PDZD9: variants seen among roughly 807,000 people sequenced by gnomAD.
The protein encoded by PDZD9 is PDZ domain-containing protein 9.
In PDZD9, 13 loss-of-function variants were observed where a neutral mutation model predicts 16.3. The observed-to-expected ratio is 0.80, with a 90% CI of 0.52 to 1.27. The LOEUF (loss-of-function observed/expected upper bound fraction) is 1.27, where lower values mean the gene tolerates loss of function less well. Among genes scored for constraint, PDZD9 ranks in the 50% most tolerant of loss-of-function variants. PDZD9 has a pLI of 0.00. For missense variants in PDZD9, 288 were observed against 310.9 expected (o/e 0.93, Z 0.55); for synonymous variants, 120 against 111.0 (o/e 1.08, Z -0.51).
At chr16:21,957,881 C>T in the PDZD9 span, among the ~76,000 whole-genome samples, 1 of 152,212 alleles carries the variant, frequency 6.6e-6, no homozygotes. Context: ...TGTTCCTTGA[C>T]CTGCAACTGC....
chr16:21,996,460 A>G lies in PDZD9; in HGVS notation c.73T>C (p.Leu25=). 1.3e-6 allele frequency: 2 copies of G among 1,536,070 alleles called. No homozygotes were observed. The highest frequency in any genetic ancestry group is 8.7e-7 in the Non-Finnish European group (1 of 1,146,864). The part of the protein sequence containing the change: ...SNKVKTSVHN[L]SKTQQTKLTV... ...AGTTTGGTCTGCTGTGTTTTGCTCA[A>G]GTTGTGTACAGATGTTTTGACCTTG... is the stretch of plus-strand genomic sequence containing the variant. The change falls in exon 2 of 4, where the codon TTG becomes CTG. Residue 25 remains leucine, a synonymous_variant. Coordinates refer to ENST00000424898, the MANE Select transcript of PDZD9 (RefSeq NM_001363519.1).
chr16:21,977,952 G>A, the PDZD9 span, among the ~76,000 whole-genome samples: 3 of 152,132 alleles, frequency 2.0e-5, no homozygotes, highest in Admixed American at 2.0e-4. Context: ...CTGCTTGATT[G>A]TACCAGAAAC....
chr16:21,988,571 T>C (rs1189046892), intron 3 of PDZD9, 31 bp downstream of exon 3: 1 of 1,548,218 alleles, frequency 6.5e-7, no homozygotes, highest in Non-Finnish European at 8.8e-7. Context: ...TTCTGTATTA[T>C]AACAAAGAGT....
intron 3 of PDZD9, among the ~76,000 whole-genome samples, chr16:21,985,279 G>A (rs1417169243): frequency 2.6e-5 from 4 of 151,808 alleles, no homozygotes; most frequent in African/African-American, 9.7e-5. Flanking sequence ...GTATGCCACC[G>A]CACCTGGCTA....
chr16:21,980,446 C>G (rs1346520348), downstream of PDZD9: 6 of 1,244,810 alleles, frequency 4.8e-6, no homozygotes, highest in East Asian at 1.4e-4. Context: ...TTACTCTATC[C>G]ATTAAATAAA....
At chr16:21,971,578 G>T in the PDZD9 span, 1 of 1,614,144 alleles carries the variant, frequency 6.2e-7, no homozygotes, top group Admixed American at 1.7e-5. Context: ...CAACATGAGG[G>T]GTGGGCTTGG....
the PDZD9 span, chr16:21,971,985 G>A: frequency 6.2e-7 from 1 of 1,614,196 alleles, no homozygotes; most frequent in East Asian, 2.2e-5. Context: ...AGAAAGTGCT[G>A]TCGCGGGAAG....
intron 3 of PDZD9, 34 bp downstream of exon 3, chr16:21,988,568 T>C (rs2141956279): frequency 6.5e-7 from 1 of 1,536,592 alleles, no homozygotes; most frequent in African/African-American, 1.4e-5. Context: ...GGATTCTGTA[T>C]TATAACAAAG....
At chr16:21,958,973 GA>G in the PDZD9 span, among the ~76,000 whole-genome samples, 1 of 151,888 alleles carries the variant, frequency 6.6e-6, no homozygotes, top group African/African-American at 2.4e-5. Context: ...TTTTGTCTTG[GA>G]AAAAAAGTAC....
intron 2 of PDZD9, among the ~76,000 whole-genome samples, chr16:21,989,769 A>G (rs1236796402): frequency 6.6e-6 from 1 of 152,234 alleles, no homozygotes; most frequent in Non-Finnish European, 1.5e-5. Flanking sequence ...ATGGGCAACC[A>G]TGCAGCTTCC....
downstream of PDZD9, chr16:21,980,206 G>T: frequency 4.1e-6 from 1 of 242,882 alleles, no homozygotes; most frequent in East Asian, 8.4e-5. Context: ...AGAGGATCCA[G>T]ATTGCACAAC....
chr16:21,984,589 A>G lies in PDZD9; in HGVS notation c.473T>C (p.Leu158Ser). 1.3e-6 allele frequency: 2 copies of G among 1,552,972 alleles called. No individual in the cohort carries two copies. The highest frequency in any genetic ancestry group is 1.7e-6 in the Non-Finnish European group (2 of 1,146,788). The change falls in exon 4 of 4, where the codon TTA becomes TCA. Residue 158 changes from leucine to serine, a missense_variant. Transcript: ENST00000424898. The part of the protein sequence containing the change: ...TSSDDNENVD[L>S]DKRLQYYRYP... ...TCTATAATATTGAAGTCTTTTATCT[A>G]AATCTACATTTTCATTATCATCACT...
chr16:21,989,021 C>T (rs939254604), intron 2 of PDZD9, among the ~76,000 whole-genome samples: 1 of 151,258 alleles, frequency 6.6e-6, no homozygotes, highest in Non-Finnish European at 1.5e-5. Context: ...CTCCGCCTCC[C>T]AGGTTCAAGT....
In PDZD9 at chr16:21,996,544, A is replaced by C. The variant is rs539562969; in HGVS notation, c.32-43T>G. On this transcript the variant is annotated intron_variant, in intron 1 of 3. Coordinates refer to ENST00000424898, the MANE Select transcript of PDZD9 (RefSeq NM_001363519.1). Reference sequence around the variant, plus strand: ...ACTTATTTCAGTCCTTCACCAAGACAGAAGCATGGCCATACCTACTGGGGT... The same window carrying C: ...ACTTATTTCAGTCCTTCACCAAGACCGAAGCATGGCCATACCTACTGGGGT... 2.2e-4 allele frequency: 324 copies of C among 1,493,240 alleles called. 7 individuals are homozygous for C. The South Asian group carries it at 3.3e-3, about 15-fold the overall frequency. The allele number at this position is 1,493,240 out of a possible 1,614,324, so 92.5% of individuals were successfully genotyped here.
chr16:21,978,976 A>G (rs1207904371), downstream of PDZD9, among the ~76,000 whole-genome samples: 2 of 152,230 alleles, frequency 1.3e-5, no homozygotes, highest in Non-Finnish European at 2.9e-5. Context: ...GCCAAAACTC[A>G]CAGGTAATAC....
the PDZD9 span, among the ~76,000 whole-genome samples, chr16:21,973,607 G>T: frequency 6.6e-6 from 1 of 152,148 alleles, no homozygotes; most frequent in Non-Finnish European, 1.5e-5. Context: ...TTGCAGATTA[G>T]TGTTTGCATA....
chr16:21,973,858 G>A, the PDZD9 span: 1 of 1,586,258 alleles, frequency 6.3e-7, no homozygotes, highest in South Asian at 1.1e-5. Context: ...TGTTTTACTT[G>A]GTAGAATATC....
chr16:21,976,960 T>C, the PDZD9 span: 1 of 152,270 alleles, frequency 6.6e-6, no homozygotes, highest in African/African-American at 2.4e-5. Flanking sequence ...AATATTTTTG[T>C]GTTTCGTATT....
At chr16:21,968,605 A>G in the PDZD9 span, 10 of 1,587,962 alleles carry the variant, frequency 6.3e-6, no homozygotes, top group Non-Finnish European at 7.7e-6. Flanking sequence ...ATATAACCTA[A>G]TAAGTGTTTT....
Sources: gnomAD v4.1 joint callset for allele counts (sites outside exome capture counted in the v4.1 genomes callset) on GRCh38, gnomAD v4.1.1 for gene constraint, MANE v1.5 for transcripts, NCBI Gene and HGNC (gene_info 2026-07-23, HGNC 2026-07-21) for gene names.